The following CDKL5 variants were observed in gnomAD, a reference collection of about 807,000 sequenced individuals.
CDKL5 encodes the protein cyclin dependent kinase like 5.
Under a neutral mutation model 61.7 loss-of-function variants are expected in CDKL5, and 8 were observed. That is an observed-to-expected ratio of 0.13 (90% CI 0.08 to 0.23). CDKL5 has a LOEUF of 0.23. Ranked by LOEUF, CDKL5 falls within the 10% of genes least tolerant of loss-of-function variation. The pLI is 1.00. For synonymous variants in CDKL5, 275 were observed against 272.3 expected (o/e 1.01, Z -0.10); for missense variants, 440 against 734.5 (o/e 0.60, Z 4.63).
intron 10 of CDKL5, among the ~76,000 whole-genome samples, chrX:18,596,363 AG>A (rs1323021879): frequency 1.8e-5 from 2 of 111,445 alleles, no homozygotes; most frequent in Non-Finnish European, 3.8e-5. Context: ...CGTTTCGGAA[AG>A]GCCACATACC....
chrX:18,644,635 A>G (rs2147191454), downstream of CDKL5: 1 of 1,208,376 alleles, frequency 8.3e-7, no homozygotes, highest in Non-Finnish European at 1.1e-6. Flanking sequence ...CCTGCCGAGA[A>G]CATACCGAGT....
intron 16 of CDKL5, 43 bp from the exon 17 acceptor site, chrX:18,625,085 T>C (rs995910954): frequency 2.5e-5 from 30 of 1,183,528 alleles, no homozygotes; most frequent in Admixed American, 4.4e-5. Context: ...TTAATTAGGC[T>C]TCTCAGTGTG....
chrX:18,476,125 C>T (rs1390403642), intron 1 of CDKL5, among the ~76,000 whole-genome samples: 2 of 111,962 alleles, frequency 1.8e-5, no homozygotes, highest in Non-Finnish European at 3.8e-5. Context: ...TTTGGTTCAA[C>T]TTTCAGTACT....
Position 18,605,903 on chromosome X carries a change from G to A in CDKL5, c.1944+1035G>A, listed in dbSNP as rs1261316560. Among the ~76,000 whole-genome samples, 3 of 112,130 alleles carry A rather than the reference G, an allele frequency of 2.7e-5. No homozygotes were observed. The East Asian group carries it at 8.4e-4, about 31-fold the overall frequency. ...ATACATGATAACAATGAAATAAGTA[G>A]CCAGGTGCAGTGGCTCACGCCTGTA... is the stretch of plus-strand genomic sequence containing the variant. On this transcript the variant is annotated intron_variant, in intron 12 of 17. Transcript: ENST00000623535.
intron 4 of CDKL5, among the ~76,000 whole-genome samples, chrX:18,572,824 GA>G (rs961293398): frequency 8.0e-5 from 9 of 112,034 alleles, no homozygotes; most frequent in Non-Finnish European, 1.7e-4. Context: ...TTGAACAGAA[GA>G]ATTGAGTCCT....
chrX:18,509,197 G>GCGCACGCGCACACACACACA, intron 2 of CDKL5, among the ~76,000 whole-genome samples: 1 of 64,308 alleles, frequency 1.6e-5, no homozygotes, highest in South Asian at 1.1e-3. Flanking sequence ...CTCAAAACAC[G>GCGCACGCGCACACACACACA]CACACACACA....
intron 3 of CDKL5, among the ~76,000 whole-genome samples, chrX:18,542,422 T>C (rs1267235379): frequency 3.6e-5 from 4 of 112,065 alleles, no homozygotes; most frequent in African/African-American, 1.3e-4. Context: ...CTAAGGTCTT[T>C]TGTCCTGCTA....
chrX:18,622,467 C>T (rs1017338025), intron 16 of CDKL5, among the ~76,000 whole-genome samples: 4 of 112,218 alleles, frequency 3.6e-5, no homozygotes, highest in African/African-American at 1.3e-4. Context: ...ATTGGGTTAA[C>T]TCTGCCTACT....
intron 4 of CDKL5, among the ~76,000 whole-genome samples, chrX:18,571,987 C>G (rs1250284341): frequency 3.6e-5 from 4 of 111,822 alleles, no homozygotes; most frequent in Non-Finnish European, 7.5e-5. Flanking sequence ...TTTATCTTCT[C>G]TAACCATTGT....
rs1922686188 is a variant in CDKL5, at chrX:18,508,964, G to T, written c.64+1804G>T. Among the ~76,000 whole-genome samples the T allele has an allele frequency of 2.7e-5, 3 of 109,276 alleles. No homozygotes were observed. The Admixed American group carries it at 3.0e-4, about 11-fold the overall frequency. 94.9% of individuals were successfully genotyped at this position (109,276 alleles called of 115,157 possible). A position where few individuals can be genotyped will look rare whatever the true frequency, so the allele number is the denominator to read the frequency against. On this transcript the variant is annotated intron_variant, in intron 2 of 17. Transcript: ENST00000623535. The stretch of plus-strand genomic sequence containing the variant: ...AAAAATTAGCTGGGTGTGGTGGCGG[G>T]CGCCTGTAGTCCCAGCTACTCAGGA...
At chrX:18,626,269 A>C (rs932070904) in intron 17 of CDKL5, among the ~76,000 whole-genome samples, 7 of 110,059 alleles carry the variant, frequency 6.4e-5, no homozygotes, top group African/African-American at 2.3e-4. Flanking sequence ...GGGTTTTGCC[A>C]TGTTGCCCAG....
chrX:18,505,402 A>G (rs1012254850), intron 1 of CDKL5, among the ~76,000 whole-genome samples: 1 of 112,300 alleles, frequency 8.9e-6, no homozygotes, highest in Non-Finnish European at 1.9e-5. Context: ...AATTGTATCA[A>G]TTGTTCTTCA....
At chrX:18,598,954 G>A (rs1926097841) in intron 11 of CDKL5, among the ~76,000 whole-genome samples, 1 of 111,729 alleles carries the variant, frequency 9.0e-6, no homozygotes, top group African/African-American at 3.3e-5. Flanking sequence ...CTGGGTGAAG[G>A]CAAGGGGATT....
intron 21 of CDKL5, chrX:18,650,619 G>A: frequency 8.3e-7 from 1 of 1,203,168 alleles, no homozygotes; most frequent in Non-Finnish European, 1.1e-6. Context: ...GACCGGTGGG[G>A]CTCAGCCTGG....
chrX:18,519,033 TA>T (rs1410132485), intron 3 of CDKL5, among the ~76,000 whole-genome samples: 1 of 110,976 alleles, frequency 9.0e-6, no homozygotes, highest in African/African-American at 3.3e-5. Flanking sequence ...CTTGGTGTAG[TA>T]ATGATGGATT....
chrX:18,499,485 C>A (rs1474575429), intron 1 of CDKL5, among the ~76,000 whole-genome samples: 2 of 108,446 alleles, frequency 1.8e-5, no homozygotes, highest in Non-Finnish European at 3.8e-5. Flanking sequence ...CTCAGCCTCC[C>A]GAGTAGCTGG....
intron 3 of CDKL5, among the ~76,000 whole-genome samples, chrX:18,554,239 C>G (rs1299205046): frequency 9.4e-6 from 1 of 106,305 alleles, no homozygotes. Flanking sequence ...TGACAGGCCC[C>G]GGTGTGTGAT....
chrX:18,518,504 A>T (rs2147100592), intron 3 of CDKL5, among the ~76,000 whole-genome samples: 1 of 97,170 alleles, frequency 1.0e-5, no homozygotes, highest in Admixed American at 1.2e-4. Context: ...TCCCGGGTTC[A>T]AGTGATTCTC....
chrX:18,555,765 C>T (rs1438467576), intron 3 of CDKL5, among the ~76,000 whole-genome samples: 1 of 112,190 alleles, frequency 8.9e-6, no homozygotes, highest in African/African-American at 3.2e-5. Flanking sequence ...GCTTCATTTA[C>T]TCACTCATGT....
Sources: allele counts gnomAD v4.1 joint callset (sites outside exome capture counted in the v4.1 genomes callset), GRCh38; gene constraint gnomAD v4.1.1; transcripts MANE v1.5; gene names NCBI Gene and HGNC (gene_info 2026-07-23, HGNC 2026-07-21).